The following PDE10A variants were observed in gnomAD, a reference collection of about 807,000 sequenced individuals.
The protein encoded by PDE10A is phosphodiesterase 10A.
A neutral mutation model predicts 97.7 loss-of-function variants in PDE10A; 39 were observed. That is an observed-to-expected ratio of 0.40 (90% CI 0.31 to 0.52). PDE10A has a LOEUF of 0.52. PDE10A is among the 20% of genes least tolerant of loss of function. The pLI is 0.56. For missense variants in PDE10A, 731 were observed against 1,047.8 expected (o/e 0.70, Z 4.17); for synonymous variants, 371 against 376.8 (o/e 0.98, Z 0.18).
At chr6:165,945,326 C>A in intron 1 of PDE10A, among the ~76,000 whole-genome samples, 1 of 152,226 alleles carries the variant, frequency 6.6e-6, no homozygotes, top group Non-Finnish European at 1.5e-5. Context: ...CTCTGAGACA[C>A]AGCCACACAG....
intron 1 of PDE10A, among the ~76,000 whole-genome samples, chr6:165,632,510 T>C (rs778768511): frequency 5.9e-5 from 9 of 152,170 alleles, no homozygotes; most frequent in Non-Finnish European, 1.2e-4. Flanking sequence ...AATGCACTGT[T>C]TTGAGCATGA....
rs984863520 is a variant in PDE10A at position 165,330,936 on chromosome 6, A to G, written c.*2089T>C. ...TGCAGAAAAATATGTATCTTGTTCA[A>G]ATTCAATTATATGATACACTAACAC... On this transcript the variant is annotated 3_prime_UTR_variant, in exon 22 of 22. Coordinates refer to ENST00000539869, the MANE Select transcript of PDE10A (RefSeq NM_001385079.1). The G allele has an allele frequency of 1.3e-5, 2 of 152,188 alleles. No individual in the cohort carries two copies. Among genetic ancestry groups the G allele is most frequent in the Non-Finnish European group, 2.9e-5 (2 of 68,026 alleles). The allele number at this position is 152,188 out of a possible 1,614,324, so 9.4% of individuals were successfully genotyped here. A position where few individuals can be genotyped will look rare whatever the true frequency, so the allele number is the denominator to read the frequency against.
intron 13 of PDE10A, among the ~76,000 whole-genome samples, chr6:165,408,982 G>A (rs1174230641): frequency 1.3e-5 from 2 of 151,140 alleles, no homozygotes; most frequent in South Asian, 2.1e-4. Flanking sequence ...TGGCTAACAC[G>A]GCGAAACCCC....
chr6:165,354,725 A>T (rs1782913857), intron 18 of PDE10A, among the ~76,000 whole-genome samples: 1 of 152,212 alleles, frequency 6.6e-6, no homozygotes, highest in African/African-American at 2.4e-5. Context: ...TCCTTGTTAC[A>T]GGGGAAATGA....
intron 2 of PDE10A, among the ~76,000 whole-genome samples, chr6:165,487,056 C>T (rs1036925825): frequency 1.8e-4 from 27 of 152,188 alleles, no homozygotes; most frequent in African/African-American, 4.1e-4. Context: ...AATGGATCCG[C>T]GACGCATTTG....
chr6:165,842,225 T>A (rs1780282436), intron 1 of PDE10A, among the ~76,000 whole-genome samples: 1 of 152,194 alleles, frequency 6.6e-6, no homozygotes, highest in African/African-American at 2.4e-5. Context: ...AAGATTGTCA[T>A]GATCAATCAA....
At chr6:165,561,044 C>G (rs965468187) in intron 1 of PDE10A, among the ~76,000 whole-genome samples, 4 of 151,940 alleles carry the variant, frequency 2.6e-5, no homozygotes, top group African/African-American at 7.3e-5. Context: ...ACGGTGAAAC[C>G]CTGTCTCTAC....
At chr6:165,490,382 GACAA>G (rs1440334249) in intron 2 of PDE10A, among the ~76,000 whole-genome samples, 1 of 152,114 alleles carries the variant, frequency 6.6e-6, no homozygotes, top group African/African-American at 2.4e-5. Context: ...GACTTTTTCA[GACAA>G]ACAAATGCCA....
chr6:165,894,670 C>A, intron 1 of PDE10A: 1 of 373,868 alleles, frequency 2.7e-6, no homozygotes, highest in Non-Finnish European at 5.3e-6. Flanking sequence ...CCACATAGCA[C>A]CTTGAGGATT....
chr6:165,590,311 G>A lies in PDE10A; in HGVS notation c.866-46743C>T, dbSNP rs1006372829. Among the ~76,000 whole-genome samples, 5 of 152,182 alleles carry A rather than the reference G, an allele frequency of 3.3e-5. No individual in the cohort carries two copies. In the East Asian group the frequency reaches 5.8e-4, roughly 18 times the overall value. Reference sequence around the variant, plus strand: ...CTCCATTTTAGAGGATGGAACTGACGCAGAGGGAGGTTAAATAGCTGGCCA... The same window carrying A: ...CTCCATTTTAGAGGATGGAACTGACACAGAGGGAGGTTAAATAGCTGGCCA... On this transcript the variant is annotated intron_variant, in intron 1 of 21. Transcript: ENST00000539869.
chr6:165,750,261 A>G (rs540202137), intron 1 of PDE10A, among the ~76,000 whole-genome samples: 1 of 152,358 alleles, frequency 6.6e-6, no homozygotes, highest in South Asian at 2.1e-4. Context: ...AGGAAGAATT[A>G]GCTGAGTTTC....
intron 1 of PDE10A, among the ~76,000 whole-genome samples, chr6:165,871,591 T>A (rs917358327): frequency 6.6e-6 from 1 of 152,186 alleles, no homozygotes; most frequent in African/African-American, 2.4e-5. Flanking sequence ...TAGTTTAGGA[T>A]AAGCTGAATT....
chr6:165,752,679 T>C (rs1404253019), intron 1 of PDE10A, among the ~76,000 whole-genome samples: 1 of 152,182 alleles, frequency 6.6e-6, no homozygotes, highest in African/African-American at 2.4e-5. Context: ...GAGGTATTCA[T>C]CATTAGGCCT....
intron 1 of PDE10A, among the ~76,000 whole-genome samples, chr6:165,828,759 G>A (rs73031969): frequency 0.22 from 33,435 of 151,976 alleles, 3,914 homozygotes; most frequent in Middle Eastern, 0.27. Flanking sequence ...AGCCCACTGC[G>A]GGCAGTGGAG....
intron 1 of PDE10A, among the ~76,000 whole-genome samples, chr6:165,914,128 A>G (rs1257849281): frequency 6.6e-6 from 1 of 152,244 alleles, no homozygotes; most frequent in Non-Finnish European, 1.5e-5. Flanking sequence ...TTTGGCTTGC[A>G]GTACAGTAAA....
At chr6:165,969,161 T>C (rs1290292988) in intron 1 of PDE10A, among the ~76,000 whole-genome samples, 1 of 152,254 alleles carries the variant, frequency 6.6e-6, no homozygotes. Context: ...GCAAATCATG[T>C]TATGAAGAAC....
At chr6:165,933,245 G>C (rs1400802133) in intron 1 of PDE10A, among the ~76,000 whole-genome samples, 1 of 152,142 alleles carries the variant, frequency 6.6e-6, no homozygotes, top group Non-Finnish European at 1.5e-5. Context: ...CAGGCAAGGA[G>C]GAGAAGGTGA....
At chr6:165,390,163 A>C (rs760952212) in intron 16 of PDE10A, among the ~76,000 whole-genome samples, 2 of 152,164 alleles carry the variant, frequency 1.3e-5, no homozygotes, top group Admixed American at 6.5e-5. Context: ...CAACAAAACA[A>C]AAACAAACAA....
chr6:165,766,077 T>C (rs1021313540), intron 1 of PDE10A, among the ~76,000 whole-genome samples: 1 of 152,156 alleles, frequency 6.6e-6, no homozygotes, highest in African/African-American at 2.4e-5. Flanking sequence ...GCCTCTTAGT[T>C]CCTAACTCTT....
Sources: gnomAD v4.1 joint callset for allele counts (sites outside exome capture counted in the v4.1 genomes callset) on GRCh38, gnomAD v4.1.1 for gene constraint, MANE v1.5 for transcripts, NCBI Gene and HGNC (gene_info 2026-07-23, HGNC 2026-07-21) for gene names.